The following SORCS2 variants were observed in gnomAD, a reference collection of about 807,000 sequenced individuals.
The protein encoded by SORCS2 is sortilin related VPS10 domain containing receptor 2.
Under a neutral mutation model 141.6 loss-of-function variants are expected in SORCS2, and 100 were observed. The ratio of observed to expected loss-of-function variants is 0.71; its 90% CI spans 0.60 to 0.83. The LOEUF (loss-of-function observed/expected upper bound fraction) is 0.83, where lower values mean the gene tolerates loss of function less well. Among genes scored for constraint, SORCS2 ranks in the 40% least tolerant of loss-of-function variants. SORCS2 has a pLI of 0.00. For missense variants in SORCS2, 1,646 were observed against 1,560.2 expected (o/e 1.05, Z -0.93); for synonymous variants, 789 against 676.9 (o/e 1.17, Z -2.57).
intron 2 of SORCS2, among the ~76,000 whole-genome samples, chr4:7,453,443 T>TGTGTTGGGGTCAGGCTCC (rs1560297315): frequency 7.4e-6 from 1 of 135,170 alleles, no homozygotes; most frequent in Non-Finnish European, 1.6e-5. Context: ...GGTCAGGTGC[T>TGTGTTGGGGTCAGGCTCC]GTGTTGGGGT....
intron 1 of SORCS2, among the ~76,000 whole-genome samples, chr4:7,387,730 ATTT>A (rs1723513315): frequency 2.0e-5 from 3 of 150,590 alleles, no homozygotes; most frequent in African/African-American, 7.4e-5. Context: ...ACACATACAC[ATTT>A]GCACACATGC....
At chr4:7,668,870 G>T (rs555351188) in intron 8 of SORCS2, among the ~76,000 whole-genome samples, 1 of 152,132 alleles carries the variant, frequency 6.6e-6, no homozygotes, top group African/African-American at 2.4e-5. Flanking sequence ...GGAGAGGAAA[G>T]TGCACAGCCG....
At chr4:7,654,062 A>G (rs776175649) in intron 4 of SORCS2, 72 bp from the exon 5 acceptor site, 22 of 1,342,372 alleles carry the variant, frequency 1.6e-5, no homozygotes, top group Non-Finnish European at 2.3e-5. Flanking sequence ...TGGTGAAGAC[A>G]TCACCCTCTC....
chr4:7,419,719 G>A (rs969928536), intron 2 of SORCS2, among the ~76,000 whole-genome samples: 1 of 152,184 alleles, frequency 6.6e-6, no homozygotes, highest in Admixed American at 6.5e-5. Flanking sequence ...AGACAAATAG[G>A]CCTCTCTGCA....
At chr4:7,261,378 C>A (rs778108852) in intron 1 of SORCS2, among the ~76,000 whole-genome samples, 2 of 152,212 alleles carry the variant, frequency 1.3e-5, no homozygotes, top group Non-Finnish European at 2.9e-5. Context: ...GTCAGGCAGA[C>A]GGTGTTGCTT....
At chr4:7,347,690 A>T (rs554537530) in intron 1 of SORCS2, among the ~76,000 whole-genome samples, 1 of 152,340 alleles carries the variant, frequency 6.6e-6, no homozygotes, top group Non-Finnish European at 1.5e-5. Context: ...TTGTGTGGAC[A>T]CTTTCCTCTG....
At chr4:7,440,801 G>A (rs1577567523) in intron 2 of SORCS2, among the ~76,000 whole-genome samples, 2 of 152,312 alleles carry the variant, frequency 1.3e-5, no homozygotes, top group East Asian at 1.9e-4. Context: ...ATGGGGCCTC[G>A]AGGGTGGGCA....
intron 2 of SORCS2, among the ~76,000 whole-genome samples, chr4:7,477,598 C>G (rs1041173325): frequency 6.6e-6 from 1 of 152,186 alleles, no homozygotes; most frequent in Non-Finnish European, 1.5e-5. Flanking sequence ...CTCCCCTCTG[C>G]TTGTCTGACC....
intron 3 of SORCS2, among the ~76,000 whole-genome samples, chr4:7,551,102 G>A (rs1713665623): frequency 6.6e-6 from 1 of 152,220 alleles, no homozygotes; most frequent in African/African-American, 2.4e-5. Flanking sequence ...CTAGCCCATT[G>A]ATTGCTTGCC....
chr4:7,621,992 C>G (rs1392862270), intron 3 of SORCS2, among the ~76,000 whole-genome samples: 5 of 152,174 alleles, frequency 3.3e-5, no homozygotes, highest in Admixed American at 2.6e-4. Flanking sequence ...TCAGTACTAT[C>G]AGGACTGATA....
chr4:7,434,832 C>T (rs773224327), intron 2 of SORCS2: 3 of 1,595,398 alleles, frequency 1.9e-6, no homozygotes, highest in South Asian at 2.3e-5. Context: ...TGGGGCTGGC[C>T]CTGGTGGCCC....
intron 1 of SORCS2, among the ~76,000 whole-genome samples, chr4:7,256,749 A>C: frequency 8.1e-6 from 1 of 122,954 alleles, no homozygotes; most frequent in Admixed American, 9.0e-5. Context: ...GGTTGGGACT[A>C]TGGGGGTGTC....
intron 11 of SORCS2, 36 bp downstream of exon 11, chr4:7,689,624 C>T: frequency 2.0e-6 from 3 of 1,533,590 alleles, no homozygotes; most frequent in Non-Finnish European, 2.7e-6. Flanking sequence ...TGGCAGGTGC[C>T]ATTACAGCCC....
At chr4:7,591,600 C>G (rs1716917403) in intron 3 of SORCS2, among the ~76,000 whole-genome samples, 1 of 152,252 alleles carries the variant, frequency 6.6e-6, no homozygotes, top group South Asian at 2.1e-4. Context: ...ACACTCAACC[C>G]TGGGCAATCT....
At chr4:7,615,532 T>G (rs1718702568) in intron 3 of SORCS2, among the ~76,000 whole-genome samples, 2 of 152,292 alleles carry the variant, frequency 1.3e-5, no homozygotes, top group African/African-American at 2.4e-5. Context: ...AGGGACATGG[T>G]TACATACCTG....
intron 3 of SORCS2, among the ~76,000 whole-genome samples, chr4:7,638,123 C>G (rs1046405727): frequency 2.6e-5 from 4 of 152,326 alleles, no homozygotes; most frequent in Admixed American, 2.0e-4. Context: ...GCTGAGCTGG[C>G]CGGGCTGGGG....
At chr4:7,425,456 G>A (rs567484089) in intron 2 of SORCS2, among the ~76,000 whole-genome samples, 2 of 152,326 alleles carry the variant, frequency 1.3e-5, no homozygotes, top group South Asian at 4.1e-4. Flanking sequence ...AACTGGTTTG[G>A]GAGTGGCGAG....
At chr4:7,454,237 G>T (rs1728703900) in intron 2 of SORCS2, among the ~76,000 whole-genome samples, 4 of 116,814 alleles carry the variant, frequency 3.4e-5, no homozygotes, top group South Asian at 3.0e-4. Flanking sequence ...GGGGTCAGGT[G>T]CTGTGTGTTG....
In SORCS2 at chr4:7,560,271, A is replaced by G. The variant is rs139024514; in HGVS notation, c.648+28642A>G. On this transcript the variant is annotated intron_variant, in intron 3 of 26. Transcript: ENST00000507866. Reference sequence around the variant, plus strand: ...GACAGTCTTTATTAACTCAGCTCCTAAAAAGAGCCTCAGAGAATACACTGT... The same window carrying G: ...GACAGTCTTTATTAACTCAGCTCCTGAAAAGAGCCTCAGAGAATACACTGT... 1.6e-4 allele frequency among the ~76,000 whole-genome samples: 24 copies of G among 152,282 alleles called. No individual in the cohort carries two copies. The East Asian group carries it at 4.2e-3, about 27-fold the overall frequency.
Sources: allele counts gnomAD v4.1 joint callset (sites outside exome capture counted in the v4.1 genomes callset), GRCh38; gene constraint gnomAD v4.1.1; transcripts MANE v1.5; gene names NCBI Gene and HGNC (gene_info 2026-07-23, HGNC 2026-07-21).